PLA2G4A: variants seen among roughly 807,000 people sequenced by gnomAD.
PLA2G4A encodes the protein phospholipase A2 group IVA.
A neutral mutation model predicts 81.9 loss-of-function variants in PLA2G4A; 40 were observed. The observed-to-expected ratio is 0.49, with a 90% CI of 0.38 to 0.64. The LOEUF (loss-of-function observed/expected upper bound fraction) is 0.64, where lower values mean the gene tolerates loss of function less well. Ranked by LOEUF, PLA2G4A falls within the 30% of genes least tolerant of loss-of-function variation. The pLI is 0.00. For synonymous variants in PLA2G4A, 302 were observed against 296.9 expected (o/e 1.02, Z -0.18); for missense variants, 715 against 905.1 (o/e 0.79, Z 2.69).
At chr1:186,881,616 G>A (rs1449509687) in intron 3 of PLA2G4A, among the ~76,000 whole-genome samples, 1 of 151,962 alleles carries the variant, frequency 6.6e-6, no homozygotes, top group African/African-American at 2.4e-5. Flanking sequence ...TATGAAGGGA[G>A]GTAAGCTGAG....
At chr1:186,891,551 G>T (rs1055107335) in intron 3 of PLA2G4A, among the ~76,000 whole-genome samples, 7 of 151,914 alleles carry the variant, frequency 4.6e-5, no homozygotes, top group African/African-American at 1.7e-4. Context: ...GTGAGAATAT[G>T]TGCTGTTTGT....
At chr1:186,923,780 G>T (rs1655446686) in intron 7 of PLA2G4A, among the ~76,000 whole-genome samples, 1 of 152,182 alleles carries the variant, frequency 6.6e-6, no homozygotes, top group African/African-American at 2.4e-5. Flanking sequence ...ACTTTATTTG[G>T]GAGAACGTGC....
chr1:186,954,546 A>G lies in PLA2G4A; in HGVS notation c.1337-1556A>G, dbSNP rs185214137. Among the ~76,000 whole-genome samples the G allele has an allele frequency of 6.2e-3, 938 of 152,260 alleles. 16 individuals are homozygous for G. The highest frequency in any genetic ancestry group is 0.022 in the African/African-American group (910 of 41,534). On this transcript the variant is annotated intron_variant, in intron 13 of 17. Transcript: ENST00000367466. ...TGACACATGTATAGCTATGTATCAA[A>G]CCTGCACATTGTGCACATGTACCCT...
chr1:186,869,385 A>G (rs552258341), intron 2 of PLA2G4A, among the ~76,000 whole-genome samples: 1 of 152,284 alleles, frequency 6.6e-6, no homozygotes, highest in South Asian at 2.1e-4. Context: ...GCCTTTTTAA[A>G]CAAGGTATGC....
At chr1:186,840,560 G>A (rs1651945637) in intron 1 of PLA2G4A, among the ~76,000 whole-genome samples, 1 of 152,094 alleles carries the variant, frequency 6.6e-6, no homozygotes, top group African/African-American at 2.4e-5. Flanking sequence ...TGATGATATA[G>A]TTTATCATCA....
chr1:186,960,083 T>C (rs1330943518), intron 14 of PLA2G4A, among the ~76,000 whole-genome samples: 1 of 152,140 alleles, frequency 6.6e-6, no homozygotes, highest in African/African-American at 2.4e-5. Context: ...TAGACTGTAT[T>C]TTGTAAACAG....
At chr1:186,943,554 G>A (rs544653686) in intron 10 of PLA2G4A, among the ~76,000 whole-genome samples, 16 of 152,098 alleles carry the variant, frequency 1.1e-4, no homozygotes, top group Non-Finnish European at 1.9e-4. Flanking sequence ...CCTGACATAA[G>A]GGTGAGATGT....
chr1:186,911,699 A>G (rs1347597793), intron 7 of PLA2G4A, among the ~76,000 whole-genome samples: 3 of 152,186 alleles, frequency 2.0e-5, no homozygotes, highest in African/African-American at 4.8e-5. Context: ...TTCTCCCTGC[A>G]CAACCTCCCA....
intron 17 of PLA2G4A, among the ~76,000 whole-genome samples, chr1:186,987,551 CA>C (rs1657930001): frequency 6.6e-6 from 1 of 152,168 alleles, no homozygotes; most frequent in South Asian, 2.1e-4. Flanking sequence ...CTGATTTTAA[CA>C]AGGTTCTGAA....
chr1:186,960,185 G>C (rs1235929341), intron 14 of PLA2G4A, among the ~76,000 whole-genome samples: 1 of 152,088 alleles, frequency 6.6e-6, no homozygotes, highest in Non-Finnish European at 1.5e-5. Context: ...CTTTTTATTA[G>C]TCATATGACT....
Position 186,906,970 on chromosome 1 carries a change from T to C in PLA2G4A, c.384T>C (p.Thr128=). Residue 128 remains threonine (T), a synonymous_variant, in exon 6 of 18, where the codon ACT becomes ACC. Coordinates refer to ENST00000367466, the MANE Select transcript of PLA2G4A (RefSeq NM_024420.3). ...KEVPFIFNQV[T]EMVLEMSLEV... ...ATTAACATGTCTTTTTTTAGGTCAC[T>C]GAAATGGTTCTAGAAATGTCTCTTG... 1 of 1,502,502 alleles carries C rather than the reference T, an allele frequency of 6.7e-7. No homozygotes were observed. The highest frequency in any genetic ancestry group is 9.3e-7 in the Non-Finnish European group (1 of 1,079,222). 93.1% of individuals were successfully genotyped at this position (1,502,502 alleles called of 1,614,324 possible). A position where few individuals can be genotyped will look rare whatever the true frequency, so the allele number is the denominator to read the frequency against.
chr1:186,902,338 C>T (rs1015161027), intron 5 of PLA2G4A, among the ~76,000 whole-genome samples: 4 of 152,098 alleles, frequency 2.6e-5, no homozygotes, highest in African/African-American at 9.7e-5. Flanking sequence ...TCCAGGCCAT[C>T]ATCAATCATT....
Position 186,979,960 on chromosome 1 carries a change from T to G in PLA2G4A, c.2118+488T>G, listed in dbSNP as rs1657663082. On this transcript the variant is annotated intron_variant, in intron 17 of 17. Transcript: ENST00000367466. ...AGCATTTCCTTTTTTTTTTTTTTTTTTTTTTGAGATGGAGTCTCGCTCTGT... is the reference window on the plus strand; with the variant it reads ...AGCATTTCCTTTTTTTTTTTTTTTTGTTTTTGAGATGGAGTCTCGCTCTGT... 1.4e-5 allele frequency among the ~76,000 whole-genome samples: 2 copies of G among 144,586 alleles called. 1 individual carries two copies. Among genetic ancestry groups the G allele is most frequent in the Non-Finnish European group, 3.0e-5 (2 of 65,948 alleles). 94.9% of individuals were successfully genotyped at this position (144,586 alleles called of 152,430 possible). A position where few individuals can be genotyped will look rare whatever the true frequency, so the allele number is the denominator to read the frequency against.
intron 3 of PLA2G4A, among the ~76,000 whole-genome samples, chr1:186,888,768 C>T (rs1654026482): frequency 6.6e-6 from 1 of 152,054 alleles, no homozygotes; most frequent in South Asian, 2.1e-4. Flanking sequence ...CATTTGCATG[C>T]CTCCCCTTCC....
chr1:186,971,519 A>G (rs1657355575), intron 15 of PLA2G4A, among the ~76,000 whole-genome samples: 1 of 151,974 alleles, frequency 6.6e-6, no homozygotes, highest in Admixed American at 6.6e-5. Flanking sequence ...ATTTTCTGAC[A>G]CTTAATATAA....
chr1:186,946,562 G>A lies in PLA2G4A; in HGVS notation c.1034-75G>A, dbSNP rs147136819. Reference sequence around the variant, plus strand: ...TGAGAATAAGCATAACATTATTAAAGTGATCATTAATTGTGCACACCATGC... The same window carrying A: ...TGAGAATAAGCATAACATTATTAAAATGATCATTAATTGTGCACACCATGC... On this transcript the variant is annotated intron_variant, in intron 10 of 17. Coordinates refer to ENST00000367466, the MANE Select transcript of PLA2G4A (RefSeq NM_024420.3). 5.4e-4 allele frequency: 539 copies of A among 995,868 alleles called. 4 individuals carry two copies. In the East Asian group the frequency reaches 9.6e-3, roughly 18 times the overall value. 61.7% of individuals were successfully genotyped at this position (995,868 alleles called of 1,614,324 possible).
chr1:186,935,883 T>C (rs1488683107), intron 8 of PLA2G4A, among the ~76,000 whole-genome samples: 1 of 151,956 alleles, frequency 6.6e-6, no homozygotes, highest in Non-Finnish European at 1.5e-5. Flanking sequence ...AAAGAGAATT[T>C]TAGGTAGGAC....
At chr1:186,843,159 C>T (rs1262460919) in intron 1 of PLA2G4A, among the ~76,000 whole-genome samples, 1 of 151,786 alleles carries the variant, frequency 6.6e-6, no homozygotes, top group Non-Finnish European at 1.5e-5. Context: ...TTTTTAATCT[C>T]AAAAGTAGTG....
chr1:186,988,597 C>CT lies in PLA2G4A; in HGVS notation c.*89_*90insT. On this transcript the variant is annotated 3_prime_UTR_variant, in exon 18 of 18. Transcript: ENST00000367466. ...GATTTAAAAGTACAGTACAGATAGT[C>CT]GTACTGATCATGAGAGACTGGCTGA... 8 of 1,129,264 alleles carry CT rather than the reference C, an allele frequency of 7.1e-6. No individual in the cohort carries two copies. The highest frequency in any genetic ancestry group is 1.1e-5 in the Non-Finnish European group (8 of 748,754). The allele number at this position is 1,129,264 out of a possible 1,614,324, so 70.0% of individuals were successfully genotyped here. A position where few individuals can be genotyped will look rare whatever the true frequency, so the allele number is the denominator to read the frequency against.
Sources: gnomAD v4.1 joint callset for allele counts (sites outside exome capture counted in the v4.1 genomes callset) on GRCh38, gnomAD v4.1.1 for gene constraint, MANE v1.5 for transcripts, NCBI Gene and HGNC (gene_info 2026-07-23, HGNC 2026-07-21) for gene names.